HERC3: variants seen among roughly 807,000 people sequenced by gnomAD.
HERC3 encodes HECT and RLD domain containing E3 ubiquitin protein ligase 3.
A neutral mutation model predicts 129.9 loss-of-function variants in HERC3; 58 were observed. That is an observed-to-expected ratio of 0.45 (90% CI 0.36 to 0.56). HERC3 has a LOEUF of 0.56. Ranked by LOEUF, HERC3 falls within the 20% of genes least tolerant of loss-of-function variation. The probability of loss-of-function intolerance (pLI) is 0.00; values close to 1 mark genes in which losing one functional copy is unlikely to be tolerated. For missense variants in HERC3, 835 were observed against 1,244.2 expected, an observed-to-expected ratio of 0.67 and a Z score of 4.95; for synonymous variants, 430 against 451.0, an observed-to-expected ratio of 0.95 and a Z score of 0.59.
At chr4:88,665,753 G>A (rs917861415) in intron 12 of HERC3, among the ~76,000 whole-genome samples, 3 of 152,080 alleles carry the variant, frequency 2.0e-5, no homozygotes, top group Non-Finnish European at 4.4e-5. Context: ...ACTCTCTTTG[G>A]TTACATTTAG....
rs1338626722 is a variant in HERC3, at chr4:88,602,013, G to T, written c.-29-3782G>T. 1.6e-5 allele frequency among the ~76,000 whole-genome samples: 2 copies of T among 128,182 alleles called. 1 individual carries two copies. The highest frequency in any genetic ancestry group is 1.6e-4 in the Admixed American group (2 of 12,288). 84.1% of individuals were successfully genotyped at this position (128,182 alleles called of 152,430 possible). A position where few individuals can be genotyped will look rare whatever the true frequency, so the allele number is the denominator to read the frequency against. ...GGAGCTTGCAGTGAGCCGAGATCCC[G>T]CCACTGCACTCCAGCCTGGGCGACA... On this transcript the variant is annotated intron_variant, in intron 2 of 25. Coordinates refer to ENST00000402738, the MANE Select transcript of HERC3 (RefSeq NM_014606.3).
the HERC3 span, among the ~76,000 whole-genome samples, chr4:88,549,232 G>T: frequency 2.6e-5 from 4 of 151,660 alleles, no homozygotes; most frequent in Admixed American, 6.6e-5. Flanking sequence ...CACCATTTTT[G>T]GGGGGGTGAG....
chr4:88,590,640 T>G (rs1721651622), upstream of HERC3, among the ~76,000 whole-genome samples: 1 of 152,232 alleles, frequency 6.6e-6, no homozygotes. Flanking sequence ...AAACACTGAT[T>G]GATTACAAAC....
chr4:88,682,766 A>AGT (rs774751401), intron 21 of HERC3, among the ~76,000 whole-genome samples: 22 of 152,244 alleles, frequency 1.4e-4, no homozygotes, highest in South Asian at 8.3e-4. Flanking sequence ...TATTGTGAAT[A>AGT]GTGCCGCAAT....
intron 7 of HERC3, among the ~76,000 whole-genome samples, chr4:88,654,376 A>G: frequency 8.8e-6 from 1 of 113,396 alleles, no homozygotes; most frequent in Middle Eastern, 4.3e-3. Context: ...ATATATATAT[A>G]TATATATATA....
chr4:88,699,345 CTCTTCTTCCCCACCCTGCCCACCA>C (rs1735103405), intron 23 of HERC3, among the ~76,000 whole-genome samples: 2 of 98,664 alleles, frequency 2.0e-5, no homozygotes, highest in East Asian at 3.3e-4. Flanking sequence ...CAGCCCCACC[CTCTTCTTCCCCACCCTGCCCACCA>C]TCTTCTTCCC....
chr4:88,662,300 G>T (rs1730573366), intron 10 of HERC3, 131 bp from the exon 11 acceptor site: 1 of 843,836 alleles, frequency 1.2e-6, no homozygotes, highest in Admixed American at 3.0e-5. Context: ...GGGTGGAGGG[G>T]ATCTGGGCGG....
chr4:88,547,219 T>C, the HERC3 span, among the ~76,000 whole-genome samples: 1 of 152,216 alleles, frequency 6.6e-6, no homozygotes, highest in Non-Finnish European at 1.5e-5. Flanking sequence ...TTTTATTCTT[T>C]GCTGGAGTAT....
intron 3 of HERC3, among the ~76,000 whole-genome samples, chr4:88,622,035 T>G (rs867813061): frequency 5.3e-5 from 8 of 152,220 alleles, no homozygotes. Context: ...ACATGTACAA[T>G]TCAATGGTTT....
chr4:88,594,419 C>T (rs1722110227), intron 1 of HERC3, among the ~76,000 whole-genome samples: 1 of 152,096 alleles, frequency 6.6e-6, no homozygotes, highest in African/African-American at 2.4e-5. Context: ...TCTTTTCTTT[C>T]GAGATGGGGG....
chr4:88,621,153 C>A (rs1725473905), intron 3 of HERC3, among the ~76,000 whole-genome samples: 1 of 152,132 alleles, frequency 6.6e-6, no homozygotes, highest in Admixed American at 6.5e-5. Flanking sequence ...TGTCACCCAG[C>A]TGGAGTGCAG....
At chr4:88,692,046 C>T (rs549162406) in intron 23 of HERC3, among the ~76,000 whole-genome samples, 12 of 152,320 alleles carry the variant, frequency 7.9e-5, no homozygotes, top group African/African-American at 2.6e-4. Flanking sequence ...ACAGAACCTA[C>T]ACAGTCAAAT....
intron 3 of HERC3, among the ~76,000 whole-genome samples, chr4:88,642,266 A>G (rs1728201358): frequency 6.6e-6 from 1 of 152,232 alleles, no homozygotes; most frequent in South Asian, 2.1e-4. Context: ...AACAATAGGA[A>G]AAACAGTCTA....
At chr4:88,545,434 T>G in the HERC3 span, among the ~76,000 whole-genome samples, 1 of 146,024 alleles carries the variant, frequency 6.8e-6, no homozygotes, top group Non-Finnish European at 1.5e-5. Flanking sequence ...AGAATTCTTT[T>G]TTTTTTTTTT....
the HERC3 span, among the ~76,000 whole-genome samples, chr4:88,554,530 T>C: frequency 2.0e-5 from 3 of 152,192 alleles, no homozygotes; most frequent in East Asian, 5.8e-4. Flanking sequence ...TATTTAGTCT[T>C]TGTGAACAAC....
chr4:88,560,017 T>C, the HERC3 span, among the ~76,000 whole-genome samples: 1 of 150,348 alleles, frequency 6.7e-6, no homozygotes, highest in East Asian at 1.9e-4. Context: ...TGGAGTGCAA[T>C]GGTGTAATCT....
the HERC3 span, among the ~76,000 whole-genome samples, chr4:88,550,532 C>T: frequency 7.9e-5 from 12 of 152,072 alleles, no homozygotes; most frequent in Non-Finnish European, 1.3e-4. Context: ...CTCCCATTCA[C>T]AATTGCTTCA....
intron 10 of HERC3, among the ~76,000 whole-genome samples, chr4:88,659,760 G>T (rs1730297256): frequency 6.6e-6 from 1 of 152,194 alleles, no homozygotes; most frequent in African/African-American, 2.4e-5. Flanking sequence ...CTAGAAACTA[G>T]TATTGAATAG....
At chr4:88,690,175 G>A (rs1287163013) in intron 23 of HERC3, 2 of 984,852 alleles carry the variant, frequency 2.0e-6, no homozygotes, top group Admixed American at 6.2e-5. Flanking sequence ...GGGGCTAAAA[G>A]CAGTTTCCTT....
Sources: allele counts gnomAD v4.1 joint callset (sites outside exome capture counted in the v4.1 genomes callset), GRCh38; gene constraint gnomAD v4.1.1; transcripts MANE v1.5; gene names NCBI Gene and HGNC (gene_info 2026-07-23, HGNC 2026-07-21).